Variants in SKAP1 observed in about 807,000 individuals in gnomAD.
The protein encoded by SKAP1 is src kinase associated phosphoprotein 1.
In SKAP1, 44 loss-of-function variants were observed where a neutral mutation model predicts 58.5. That is an observed-to-expected ratio of 0.75 (90% CI 0.59 to 0.97). SKAP1 has a LOEUF of 0.97. Among genes scored for constraint, SKAP1 ranks in the 50% least tolerant of loss-of-function variants. The probability of loss-of-function intolerance (pLI) is 0.00; values close to 1 mark genes in which losing one functional copy is unlikely to be tolerated. For missense variants in SKAP1, 390 were observed against 435.2 expected (o/e 0.90, Z 0.92); for synonymous variants, 127 against 149.7 (o/e 0.85, Z 1.11).
chr17:48,151,906 T>C (rs1392182032), intron 11 of SKAP1, among the ~76,000 whole-genome samples: 1 of 152,212 alleles, frequency 6.6e-6, no homozygotes, highest in Non-Finnish European at 1.5e-5. Flanking sequence ...CAATTTGATA[T>C]ACTTGGTTAG....
the SKAP1 span, among the ~76,000 whole-genome samples, chr17:48,440,488 TA>T: frequency 2.0e-5 from 3 of 152,178 alleles, no homozygotes; most frequent in African/African-American, 7.2e-5. Context: ...AGCTGTGGCG[TA>T]AGGGTCTGAC....
chr17:48,333,054 G>A (rs1015343776), intron 4 of SKAP1, among the ~76,000 whole-genome samples: 7 of 152,210 alleles, frequency 4.6e-5, no homozygotes, highest in African/African-American at 1.7e-4. Flanking sequence ...CTAGGTTGTG[G>A]CTTCTGCATT....
chr17:48,223,438 T>G (rs1445627307), intron 4 of SKAP1, among the ~76,000 whole-genome samples: 1 of 152,208 alleles, frequency 6.6e-6, no homozygotes, highest in African/African-American at 2.4e-5. Flanking sequence ...CCTTATATTC[T>G]GGATACTTTC....
chr17:48,208,360 T>C (rs1392594695), intron 4 of SKAP1, among the ~76,000 whole-genome samples: 1 of 152,208 alleles, frequency 6.6e-6, no homozygotes, highest in Admixed American at 6.5e-5. Flanking sequence ...AGGATGCCTA[T>C]GCCTGACCTC....
At chr17:48,336,555 G>A (rs1006905089) in intron 4 of SKAP1, among the ~76,000 whole-genome samples, 2 of 152,136 alleles carry the variant, frequency 1.3e-5, no homozygotes, top group African/African-American at 4.8e-5. Context: ...TTCAGTCTCA[G>A]AAGATGGTAT....
chr17:48,265,471 C>T (rs1040919809), intron 4 of SKAP1, among the ~76,000 whole-genome samples: 4 of 150,592 alleles, frequency 2.7e-5, no homozygotes, highest in Admixed American at 2.6e-4. Flanking sequence ...CACCACTGCA[C>T]TCCAGCCTGG....
At chr17:48,293,093 G>A (rs968855146) in intron 4 of SKAP1, among the ~76,000 whole-genome samples, 3 of 152,150 alleles carry the variant, frequency 2.0e-5, no homozygotes, top group Non-Finnish European at 4.4e-5. Flanking sequence ...GAGTTAGATT[G>A]TGAAATCTAT....
the SKAP1 span, among the ~76,000 whole-genome samples, chr17:48,443,564 C>T: frequency 6.6e-6 from 1 of 152,100 alleles, no homozygotes; most frequent in South Asian, 2.1e-4. Context: ...TAACCTCTGC[C>T]TCCTGGGTTC....
At chr17:48,222,229 T>C (rs1359309371) in intron 4 of SKAP1, among the ~76,000 whole-genome samples, 2 of 152,094 alleles carry the variant, frequency 1.3e-5, no homozygotes, top group African/African-American at 4.8e-5. Context: ...CCTAGGCAAA[T>C]ATGACAAAAA....
At chr17:48,328,733 G>C (rs1039576212) in intron 4 of SKAP1, among the ~76,000 whole-genome samples, 2 of 152,008 alleles carry the variant, frequency 1.3e-5, no homozygotes, top group African/African-American at 4.8e-5. Flanking sequence ...TGTTTTCTCT[G>C]GGCTTCTCAC....
rs766380903 is a variant in SKAP1 at position 48,363,830 on chromosome 17, G to A, written c.153-16C>T. On this transcript the variant is annotated splice_polypyrimidine_tract_variant and intron_variant, in intron 2 of 12. Transcript: ENST00000336915. Reference sequence around the variant, plus strand: ...CCAATAGTACCTGAAATACAAGGGGGAAAAAAAAAGGGAATAAGTCAAACT... The same window carrying A: ...CCAATAGTACCTGAAATACAAGGGGAAAAAAAAAAGGGAATAAGTCAAACT... 4.5e-6 allele frequency: 7 copies of A among 1,559,438 alleles called. No individual in the cohort carries two copies. Among genetic ancestry groups the A allele is most frequent in the Admixed American group, 1.8e-5 (1 of 54,214 alleles).
rs544238428 is a variant in SKAP1, at chr17:48,317,996, A to T, written c.280+27909T>A. Among the ~76,000 whole-genome samples the T allele has an allele frequency of 3.7e-4, 57 of 152,368 alleles. 1 individual carries two copies. The highest frequency in any genetic ancestry group is 9.1e-4 in the Admixed American group (14 of 15,302). On this transcript the variant is annotated intron_variant, in intron 4 of 12. Transcript: ENST00000336915. ...ATCAATAAAATGAAAAGATTTAGAA[A>T]GTGTAATACTGTAAAAAGACTTAAT...
At chr17:48,176,931 T>C (rs886610420) in intron 9 of SKAP1, among the ~76,000 whole-genome samples, 1 of 152,228 alleles carries the variant, frequency 6.6e-6, no homozygotes, top group African/African-American at 2.4e-5. Flanking sequence ...TGTGGGCTTG[T>C]GTGGGCCCCA....
At chr17:48,349,141 T>A (rs1213988604) in intron 3 of SKAP1, among the ~76,000 whole-genome samples, 1 of 152,174 alleles carries the variant, frequency 6.6e-6, no homozygotes, top group Non-Finnish European at 1.5e-5. Flanking sequence ...TGAGGATGCA[T>A]GGGTGAAAAG....
intron 6 of SKAP1, among the ~76,000 whole-genome samples, chr17:48,186,951 T>C (rs937097268): frequency 2.0e-5 from 3 of 152,220 alleles, no homozygotes; most frequent in Non-Finnish European, 2.9e-5. Flanking sequence ...ACTGTATCGC[T>C]GGCCTCTGTA....
At chr17:48,260,555 C>T (rs1013781667) in intron 4 of SKAP1, among the ~76,000 whole-genome samples, 18 of 152,184 alleles carry the variant, frequency 1.2e-4, no homozygotes, top group East Asian at 7.7e-4. Flanking sequence ...GTTGTATTAT[C>T]GGTTCAATTT....
chr17:48,255,415 A>AAT (rs891124442), intron 4 of SKAP1, among the ~76,000 whole-genome samples: 72 of 149,396 alleles, frequency 4.8e-4, no homozygotes, highest in Non-Finnish European at 9.8e-4. Context: ...GTACTAACTA[A>AAT]ATATATATAT....
chr17:48,404,019 G>C (rs925015826), intron 1 of SKAP1, among the ~76,000 whole-genome samples: 1 of 151,572 alleles, frequency 6.6e-6, no homozygotes, highest in Admixed American at 6.6e-5. Flanking sequence ...AACCTGGGAG[G>C]CGGAGAGTGC....
At chr17:48,440,517 G>T in the SKAP1 span, among the ~76,000 whole-genome samples, 1 of 152,284 alleles carries the variant, frequency 6.6e-6, no homozygotes, top group African/African-American at 2.4e-5. Flanking sequence ...TCAGAAGATT[G>T]GCCAAGGTTT....
Sources: allele counts gnomAD v4.1 joint callset (sites outside exome capture counted in the v4.1 genomes callset), GRCh38; gene constraint gnomAD v4.1.1; transcripts MANE v1.5; gene names NCBI Gene and HGNC (gene_info 2026-07-23, HGNC 2026-07-21).